GPR4: variants seen among roughly 807,000 people sequenced by gnomAD.
The protein encoded by GPR4 is G protein-coupled receptor 4, also known as G-prodeshotein coupled receptor 4.
GPR4 carries 11 observed loss-of-function variants against 17.8 expected under a neutral mutation model. That is an observed-to-expected ratio of 0.62 (90% CI 0.39 to 1.02). The LOEUF (loss-of-function observed/expected upper bound fraction) is 1.02. GPR4 is among the 50% of genes least tolerant of loss of function. GPR4 has a pLI of 0.00. For synonymous variants in GPR4, 219 were observed against 222.8 expected (o/e 0.98, Z 0.15); for missense variants, 364 against 495.4 (o/e 0.73, Z 2.52).
chr19:45,596,994 G>C lies in GPR4; in HGVS notation c.-831-4297C>G, dbSNP rs1225263168. Among the ~76,000 whole-genome samples, 4 of 152,230 alleles carry C rather than the reference G, an allele frequency of 2.6e-5. No homozygotes were observed. In the East Asian group the frequency reaches 5.8e-4, roughly 22 times the overall value. ...TCACTCACCTCTCCTTCCTGCCTCA[G>C]CAGTCTCAAGGCCAGTGAGTGACCT... On this transcript the variant is annotated intron_variant, in intron 1 of 1. Transcript: ENST00000323040.
rs770537988 is a variant in GPR4 at position 45,590,686 on chromosome 19, C to A, written c.*92G>T. Reference sequence around the variant, plus strand: ...TGTATTCTTATGAATATTAACACAGCCCTTTTTCCATACAATTTGCATACA... The same window carrying A: ...TGTATTCTTATGAATATTAACACAGACCTTTTTCCATACAATTTGCATACA... On this transcript the variant is annotated 3_prime_UTR_variant, in exon 2 of 2. Coordinates refer to ENST00000323040, the MANE Select transcript of GPR4 (RefSeq NM_005282.3). The A allele has an allele frequency of 8.4e-6, 12 of 1,429,242 alleles. No individual in the cohort carries two copies. The highest frequency in any genetic ancestry group is 3.7e-4 in the Middle Eastern group (2 of 5,414). The allele number at this position is 1,429,242 out of a possible 1,614,324, so 88.5% of individuals were successfully genotyped here.
Position 45,590,561 on chromosome 19 carries a change from C to T in GPR4, c.*217G>A. ...TCTCCAAAAAAATATATTTACTCATCTCCTCCTTCAGGAGGCCCTCCACAA... is the reference window on the plus strand; with the variant it reads ...TCTCCAAAAAAATATATTTACTCATTTCCTCCTTCAGGAGGCCCTCCACAA... On this transcript the variant is annotated 3_prime_UTR_variant, in exon 2 of 2. Transcript: ENST00000323040. The T allele has an allele frequency of 1.9e-6, 1 of 523,140 alleles. No individual in the cohort carries two copies. The allele number at this position is 523,140 out of a possible 1,614,324, so 32.4% of individuals were successfully genotyped here.
In GPR4 at chr19:45,590,362, A is replaced by C. The variant is rs909710593; in HGVS notation, c.*416T>G. ...AGATCAGCCTGGGAAACATAGTGAG[A>C]CTCCATTTCTACAAAAAGTACAAAA... On this transcript the variant is annotated 3_prime_UTR_variant, in exon 2 of 2. Coordinates refer to ENST00000323040, the MANE Select transcript of GPR4 (RefSeq NM_005282.3). The C allele has an allele frequency of 3.1e-5, 5 of 162,580 alleles. No homozygotes were observed. Among genetic ancestry groups the C allele is most frequent in the African/African-American group, 1.2e-4 (5 of 41,726 alleles). 10.1% of individuals were successfully genotyped at this position (162,580 alleles called of 1,614,324 possible). A position where few individuals can be genotyped will look rare whatever the true frequency, so the allele number is the denominator to read the frequency against.
chr19:45,591,463 ACGGCGGTCTTGACG>A lies in GPR4; in HGVS notation c.390_403del (p.Val131GlyfsTer21). On this transcript the variant is annotated frameshift_variant, in exon 2 of 2. Transcript: ENST00000323040. LOFTEE classifies it high-confidence loss of function. The surrounding 1 kb of genome is among the most constrained non-coding windows in gnomAD (Gnocchi z 7.6). The stretch of plus-strand genomic sequence containing the variant: ...GGCCCAGACCACGGAGCTCACGGCC[ACGGCGGTCTTGACG>A]CGGCGCAGGCGGGCGAAGCGGAGTG... 1 of 1,609,048 alleles carries A rather than the reference ACGGCGGTCTTGACG, an allele frequency of 6.2e-7. No homozygotes were observed. The highest frequency in any genetic ancestry group is 8.5e-7 in the Non-Finnish European group (1 of 1,178,584).
Position 45,596,932 on chromosome 19 carries a change from A to G in GPR4, c.-831-4235T>C, listed in dbSNP as rs1465901419. Among the ~76,000 whole-genome samples, 8 of 152,324 alleles carry G rather than the reference A, an allele frequency of 5.3e-5. No homozygotes were observed. In the East Asian group the frequency reaches 1.3e-3, roughly 26 times the overall value. ...TCCAGACTCCTCATCCGGAGTCACA[A>G]GGTTCTGTCTGACCTGCTGGGGCAG... On this transcript the variant is annotated intron_variant, in intron 1 of 1. Transcript: ENST00000323040.
At chr19:45,600,219 C>T (rs1970099054) in intron 1 of GPR4, among the ~76,000 whole-genome samples, 1 of 151,682 alleles carries the variant, frequency 6.6e-6, no homozygotes, top group Non-Finnish European at 1.5e-5. Flanking sequence ...CGCCTCTCTA[C>T]CCTTTCGCTA....
In GPR4 at chr19:45,591,014, G is replaced by T. The variant is rs754375362; in HGVS notation, c.853C>A (p.Leu285Ile). 6.2e-7 allele frequency: 1 copy of T among 1,613,982 alleles called. No homozygotes were observed. Among genetic ancestry groups the T allele is most frequent in the South Asian group, 1.1e-5 (1 of 91,088 alleles). The change falls in exon 2 of 2, where the codon CTC becomes ATC. Residue 285 changes from leucine (L) to isoleucine (I), a missense_variant. Coordinates refer to ENST00000323040, the MANE Select transcript of GPR4 (RefSeq NM_005282.3). The surrounding 1 kb of genome is among the most constrained non-coding windows in gnomAD (Gnocchi z 7.6). Reference sequence around the variant, plus strand: ...GCGCCCTCGTTGACCAGGCAGTAGAGGATGGGGTCCGCCACACAGTTGAGG... The same window carrying T: ...GCGCCCTCGTTGACCAGGCAGTAGATGATGGGGTCCGCCACACAGTTGAGG... The part of the protein sequence containing the change: ...TSLNCVADPI[L>I]YCLVNEGARS...
chr19:45,590,579 C>G lies in GPR4; in HGVS notation c.*199G>C, dbSNP rs1969978950. On this transcript the variant is annotated 3_prime_UTR_variant, in exon 2 of 2. Transcript: ENST00000323040. ...TACTCATCTCCTCCTTCAGGAGGCC[C>G]TCCACAATCGCCAAACTGTGATGGG... 1 of 586,912 alleles carries G rather than the reference C, an allele frequency of 1.7e-6. No homozygotes were observed. The highest frequency in any genetic ancestry group is 3.1e-5 in the East Asian group (1 of 32,672). The allele number at this position is 586,912 out of a possible 1,614,324, so 36.4% of individuals were successfully genotyped here. A position where few individuals can be genotyped will look rare whatever the true frequency, so the allele number is the denominator to read the frequency against.
intron 1 of GPR4, among the ~76,000 whole-genome samples, chr19:45,601,381 C>G (rs1260694310): frequency 5.3e-5 from 8 of 152,094 alleles, no homozygotes; most frequent in African/African-American, 1.7e-4. Flanking sequence ...GAAGTCCACC[C>G]CCCAGGCAGG....
intron 1 of GPR4, among the ~76,000 whole-genome samples, chr19:45,593,197 CA>C (rs752605944): frequency 0.055 from 3,125 of 56,966 alleles, 62 homozygotes; most frequent in East Asian, 0.15. Flanking sequence ...GACCCTGTCT[CA>C]AAAAAAAAAA....
At position 45,590,719 on chromosome 19, in the gene GPR4, A is replaced by G. The variant is rs1274509706; in HGVS notation, c.*59T>C. On this transcript the variant is annotated 3_prime_UTR_variant, in exon 2 of 2. Transcript: ENST00000323040. ...CCATACAATTTGCATACACCAGACC[A>G]GGAGAGAAGGGACTGTGGGATGAGA... The G allele has an allele frequency of 4.0e-6, 6 of 1,516,290 alleles. No individual in the cohort carries two copies. In the Admixed American group the frequency reaches 1.1e-4, roughly 28 times the overall value. The allele number at this position is 1,516,290 out of a possible 1,614,324, so 93.9% of individuals were successfully genotyped here. A position where few individuals can be genotyped will look rare whatever the true frequency, so the allele number is the denominator to read the frequency against.
chr19:45,591,209 C>A lies in GPR4; in HGVS notation c.658G>T (p.Ala220Ser). ...CTGAGGGCCAGCCGCTTGATCTTGG[C>A]CTTCTCCTGGCGCTCGGTGGACACG... ...GSVSTERQEK[A>S]KIKRLALSLI... The change falls in exon 2 of 2, where the codon GCC becomes TCC. Residue 220 changes from alanine (A) to serine (S), a missense_variant. Around this residue, in one of 3 missense-constraint regions of GPR4, gnomAD observed 271 missense variants for 373.1 expected, o/e 0.73. Transcript: ENST00000323040. This position sits in a 1 kb window ranked among gnomAD's most constrained non-coding sequence, Gnocchi z 7.6. The A allele has an allele frequency of 6.2e-7, 1 of 1,613,546 alleles. No individual in the cohort carries two copies. Among genetic ancestry groups the A allele is most frequent in the Non-Finnish European group, 8.5e-7 (1 of 1,179,980 alleles).
rs1158577311 is a variant in GPR4, at chr19:45,602,147, C to T, written c.-884G>A. On this transcript the variant is annotated 5_prime_UTR_variant, in exon 1 of 2. Coordinates refer to ENST00000323040, the MANE Select transcript of GPR4 (RefSeq NM_005282.3). ...CGGCGGCACCTCTCTCCGCTGCGTC[C>T]AGGTCCCCGGTCTTGACAACGGCGC... 1 of 152,240 alleles carries T rather than the reference C, an allele frequency of 6.6e-6. No homozygotes were observed. The highest frequency in any genetic ancestry group is 1.9e-4 in the East Asian group (1 of 5,188). The allele number at this position is 152,240 out of a possible 1,614,324, so 9.4% of individuals were successfully genotyped here.
At chr19:45,594,064 ATATATATATAT>A (rs1337274318) in intron 1 of GPR4, among the ~76,000 whole-genome samples, 338 of 28,214 alleles carry the variant, frequency 0.012, 12 homozygotes, top group African/African-American at 0.068. Flanking sequence ...AAAAAAAAAA[ATATATATATAT>A]ATATATATAT....
intron 1 of GPR4, among the ~76,000 whole-genome samples, chr19:45,594,999 A>G (rs559474795): frequency 2.0e-5 from 3 of 150,560 alleles, no homozygotes; most frequent in Non-Finnish European, 4.4e-5. Flanking sequence ...AAAGAAGTCC[A>G]GGCACGGTGG....
chr19:45,596,731 G>A (rs1223488109), intron 1 of GPR4, among the ~76,000 whole-genome samples: 1 of 151,924 alleles, frequency 6.6e-6, no homozygotes, highest in Non-Finnish European at 1.5e-5. Flanking sequence ...TTTTTGTGGA[G>A]ATGGGGTTTC....
intron 1 of GPR4, among the ~76,000 whole-genome samples, chr19:45,593,632 C>T (rs1389577776): frequency 6.6e-6 from 1 of 151,918 alleles, no homozygotes; most frequent in Non-Finnish European, 1.5e-5. Context: ...GGTATCATAT[C>T]ATGCTTCAGG....
intron 1 of GPR4, among the ~76,000 whole-genome samples, chr19:45,595,123 A>G (rs1214862607): frequency 1.3e-5 from 2 of 151,338 alleles, no homozygotes; most frequent in African/African-American, 4.9e-5. Context: ...CTAAAAATAC[A>G]AAATAAGCTA....
chr19:45,600,716 G>A (rs1431500752), intron 1 of GPR4, among the ~76,000 whole-genome samples: 1 of 152,162 alleles, frequency 6.6e-6, no homozygotes, highest in Non-Finnish European at 1.5e-5. Flanking sequence ...CTATAAAATG[G>A]GGGCAGGGGG....
Sources: gnomAD v4.1 joint callset for allele counts (sites outside exome capture counted in the v4.1 genomes callset) on GRCh38, gnomAD v4.1.1 for gene constraint, gnomAD v4.1.1 regional missense constraint, Gnocchi (gnomAD v3.1) non-coding constraint, MANE v1.5 for transcripts, NCBI Gene and HGNC (gene_info 2026-07-23, HGNC 2026-07-21) for gene names.